ZMYM1: variants seen among roughly 807,000 people sequenced by gnomAD.
ZMYM1 encodes the protein zinc finger MYM-type protein 1.
A neutral mutation model predicts 60.0 loss-of-function variants in ZMYM1; 39 were observed. The ratio of observed to expected loss-of-function variants is 0.65; its 90% CI spans 0.50 to 0.85. ZMYM1 has a LOEUF of 0.85. Among genes scored for constraint, ZMYM1 ranks in the 40% least tolerant of loss-of-function variants. The pLI, the probability that ZMYM1 is intolerant of heterozygous loss-of-function variation, is 0.00. For missense variants in ZMYM1, 1,171 were observed against 1,309.5 expected, an observed-to-expected ratio of 0.89 and a Z score of 1.63; for synonymous variants, 413 against 454.0, an observed-to-expected ratio of 0.91 and a Z score of 1.15.
At chr1:35,083,784 T>C (rs1250397240) in intron 1 of ZMYM1, among the ~76,000 whole-genome samples, 1 of 152,050 alleles carries the variant, frequency 6.6e-6, no homozygotes, top group South Asian at 2.1e-4. Flanking sequence ...CATGCCCAGC[T>C]AATTTTTCTA....
rs1464546786 is a variant in ZMYM1, at chr1:35,088,454, A to ATATATGTG, written c.-74-5459_-74-5458insATATGTGT. Among the ~76,000 whole-genome samples the ATATATGTG allele has an allele frequency of 1.5e-3, 161 of 107,238 alleles. 1 individual carries two copies. Among genetic ancestry groups the ATATATGTG allele is most frequent in the African/African-American group, 5.4e-3 (128 of 23,490 alleles). The allele number at this position is 107,238 out of a possible 152,430, so 70.4% of individuals were successfully genotyped here. A position where few individuals can be genotyped will look rare whatever the true frequency, so the allele number is the denominator to read the frequency against. On this transcript the variant is annotated intron_variant, in intron 1 of 9. Transcript: ENST00000359858. ...TATGTGTATATATATATATATATATATGTGTGTGTGTGTGTGTGTGTGTGT... is the reference window on the plus strand; with the variant it reads ...TATGTGTATATATATATATATATATATATATGTGTGTGTGTGTGTGTGTGTGTGTGTGT...
intron 4 of ZMYM1, among the ~76,000 whole-genome samples, chr1:35,103,880 C>T (rs150070204): frequency 9.1e-4 from 139 of 152,314 alleles, no homozygotes; most frequent in Non-Finnish European, 1.3e-3. Context: ...TGTGATCTCT[C>T]ATCATCCCTC....
At chr1:35,092,399 ATT>A (rs35083377) in intron 1 of ZMYM1, among the ~76,000 whole-genome samples, 2,396 of 145,184 alleles carry the variant, frequency 0.017, 56 homozygotes, top group African/African-American at 0.052. Context: ...CACTCGGTTG[ATT>A]TTTTTTTTTT....
intron 1 of ZMYM1, chr1:35,093,216 G>A (rs1279311380): frequency 6.6e-6 from 1 of 152,416 alleles, no homozygotes; most frequent in Non-Finnish European, 1.5e-5. Context: ...AGAAGCAAAT[G>A]AGAAGGATAA....
chr1:35,081,289 A>G (rs1048993677), intron 1 of ZMYM1, among the ~76,000 whole-genome samples: 1 of 152,134 alleles, frequency 6.6e-6, no homozygotes, highest in Non-Finnish European at 1.5e-5. Flanking sequence ...GGATAGGAGT[A>G]TATCTGCTTC....
upstream of ZMYM1, among the ~76,000 whole-genome samples, chr1:35,076,450 C>T (rs1642167826): frequency 6.6e-6 from 1 of 151,932 alleles, no homozygotes; most frequent in Non-Finnish European, 1.5e-5. Flanking sequence ...GGAGAAACCC[C>T]ATCTCTACTA....
At chr1:35,108,855 C>T (rs1252105971) in intron 6 of ZMYM1, among the ~76,000 whole-genome samples, 1 of 152,020 alleles carries the variant, frequency 6.6e-6, no homozygotes, top group Non-Finnish European at 1.5e-5. Flanking sequence ...GGACCACAGG[C>T]ATGCGCCACC....
Position 35,094,045 on chromosome 1 carries a change from C to G in ZMYM1, c.58C>G (p.Leu20Val), listed in dbSNP as rs768655891. 26 of 1,610,758 alleles carry G rather than the reference C, an allele frequency of 1.6e-5. No homozygotes were observed. The highest frequency in any genetic ancestry group is 1.5e-5 in the Non-Finnish European group (18 of 1,178,172). The change falls in exon 2 of 10, where the codon CTG (leucine) becomes GTG (valine). Residue 20 changes from leucine to valine, a missense_variant. Physicochemically the swap from Leu to Val is conservative, Grantham distance 32. Coordinates refer to ENST00000359858, the MANE Select transcript of ZMYM1 (RefSeq NM_024772.5). The part of the protein sequence containing the change: ...CDKAVASQLG[L>V]LDEIKTEPDN... ...CAAGGCAGTGGCATCACAGCTGGGG[C>G]TGCTAGATGAAATTAAGACAGAACC...
At chr1:35,103,310 G>A (rs919922345) in intron 4 of ZMYM1, among the ~76,000 whole-genome samples, 2 of 152,052 alleles carry the variant, frequency 1.3e-5, no homozygotes, top group Non-Finnish European at 2.9e-5. Context: ...TATATCTATA[G>A]ATTTTATCTA....
chr1:35,091,337 C>T (rs1276359215), intron 1 of ZMYM1, among the ~76,000 whole-genome samples: 1 of 151,966 alleles, frequency 6.6e-6, no homozygotes, highest in Non-Finnish European at 1.5e-5. Context: ...CTCAGCCTCC[C>T]AGTAGCTGGG....
chr1:35,111,680 G>A (rs918570733), intron 7 of ZMYM1, 92 bp from the exon 8 acceptor site: 2 of 1,232,860 alleles, frequency 1.6e-6, no homozygotes, highest in South Asian at 2.3e-5. Flanking sequence ...GCTATTAGAT[G>A]CTTGCATTAT....
rs927455984 is a variant in ZMYM1, at chr1:35,097,793, C to T, written c.419+227C>T. The T allele has an allele frequency of 8.4e-5, 43 of 513,760 alleles. 2 individuals carry two copies. In the Admixed American group the frequency reaches 1.0e-3, roughly 12 times the overall value. The allele number at this position is 513,760 out of a possible 1,614,324, so 31.8% of individuals were successfully genotyped here. A position where few individuals can be genotyped will look rare whatever the true frequency, so the allele number is the denominator to read the frequency against. On this transcript the variant is annotated intron_variant, in intron 4 of 9. Transcript: ENST00000359858. ...CCAAGTAGCTGGGATTACAGCCATG[C>T]ACCACCACGCCCGGCTAATTTTGTA...
chr1:35,116,267 CTG>C (rs1385273926), downstream of ZMYM1, among the ~76,000 whole-genome samples: 1 of 152,028 alleles, frequency 6.6e-6, no homozygotes, highest in Non-Finnish European at 1.5e-5. Context: ...AGTTAGGTAT[CTG>C]TTTATTTGTT....
intron 4 of ZMYM1, among the ~76,000 whole-genome samples, chr1:35,097,848 C>T (rs552286461): frequency 1.1e-3 from 174 of 152,176 alleles, no homozygotes; most frequent in Non-Finnish European, 2.1e-3. Context: ...TTTCGTTCGC[C>T]ATGTTGGCCA....
At chr1:35,095,741 C>G (rs2148518554) in intron 2 of ZMYM1, 78 bp from the exon 3 acceptor site, 1 of 1,227,570 alleles carries the variant, frequency 8.1e-7, no homozygotes, top group East Asian at 2.6e-5. Context: ...CACAATTTAT[C>G]ATTTTCTGTT....
rs1644217638 is a variant in ZMYM1 at position 35,114,897 on chromosome 1, A to G, written c.3067A>G (p.Ile1023Val). The G allele has an allele frequency of 1.9e-6, 3 of 1,610,892 alleles. No homozygotes were observed. The highest frequency in any genetic ancestry group is 2.5e-6 in the Non-Finnish European group (3 of 1,177,552). The stretch of plus-strand genomic sequence containing the variant: ...GGAATTTTATAAACTTGATGAGGAC[A>G]TTATCCCAGAACTTAGATTTTATCG... ...VQEFYKLDED[I>V]IPELRFYRHY... Residue 1023 changes from isoleucine (I) to valine (V), a missense_variant, in exon 10 of 10, where the codon ATT becomes GTT. Physicochemically the swap from Ile to Val is conservative, Grantham distance 29. Transcript: ENST00000359858.
At chr1:35,104,533 C>G in intron 5 of ZMYM1, 24 bp from the exon 6 acceptor site, 1 of 1,612,638 alleles carries the variant, frequency 6.2e-7, no homozygotes, top group South Asian at 1.1e-5. Flanking sequence ...AGAGTTTTTA[C>G]TGAATCTTTT....
intron 1 of ZMYM1, among the ~76,000 whole-genome samples, chr1:35,068,861 G>C (rs1484027905): frequency 6.6e-6 from 1 of 151,890 alleles, no homozygotes. Context: ...TTTTGAGATG[G>C]AGTCTTGCTC....
rs1644183093 is a variant in ZMYM1, at chr1:35,113,981, T to C, written c.2151T>C (p.Asp717=). ...DMDKIHGQAY[D]STTNLKIKFN... is the part of the protein sequence containing the mutation. ...ATAAAATACATGGCCAGGCCTATGA[T>C]AGCACCACTAATTTGAAGATAAAAT... The change falls in exon 10 of 10, where the codon GAT becomes GAC. Residue 717 remains aspartate (D), a synonymous_variant. Coordinates refer to ENST00000359858, the MANE Select transcript of ZMYM1 (RefSeq NM_024772.5). 2.5e-6 allele frequency: 4 copies of C among 1,610,732 alleles called. No individual in the cohort carries two copies. The highest frequency in any genetic ancestry group is 3.4e-6 in the Non-Finnish European group (4 of 1,179,246).
Sources: allele counts gnomAD v4.1 joint callset (sites outside exome capture counted in the v4.1 genomes callset), GRCh38; gene constraint gnomAD v4.1.1; transcripts MANE v1.5; gene names NCBI Gene and HGNC (gene_info 2026-07-23, HGNC 2026-07-21).